Variants in SOX6 observed in about 807,000 individuals in gnomAD.
The protein encoded by SOX6 is transcription factor SOX-6.
Under a neutral mutation model 97.8 loss-of-function variants are expected in SOX6, and 11 were observed. The observed-to-expected ratio is 0.11, with a 90% CI of 0.07 to 0.19. The LOEUF (loss-of-function observed/expected upper bound fraction) is 0.19. Among genes scored for constraint, SOX6 ranks in the 10% least tolerant of loss-of-function variants. The pLI is 1.00. For missense variants in SOX6, 810 were observed against 1,039.5 expected (o/e 0.78, Z 3.04); for synonymous variants, 360 against 371.4 (o/e 0.97, Z 0.35).
intron 12 of SOX6, 102 bp downstream of exon 12, chr11:16,046,412 C>T (rs1429804128): frequency 7.6e-6 from 10 of 1,318,198 alleles, no homozygotes; most frequent in Non-Finnish European, 8.7e-6. Flanking sequence ...GCTGGAAGCC[C>T]AAATCTATGG....
At chr11:16,538,171 C>G (rs181165181) in intron 4 of SOX6, among the ~76,000 whole-genome samples, 96 of 152,216 alleles carry the variant, frequency 6.3e-4, no homozygotes, top group African/African-American at 2.0e-3. Flanking sequence ...GGCCAATATT[C>G]AACACTCTTA....
intron 1 of SOX6, among the ~76,000 whole-genome samples, chr11:16,376,562 T>C (rs1020113411): frequency 1.3e-5 from 2 of 152,154 alleles, no homozygotes; most frequent in Non-Finnish European, 2.9e-5. Context: ...TTTCAGAAGA[T>C]GGGTACCAGG....
intron 4 of SOX6, among the ~76,000 whole-genome samples, chr11:16,602,521 T>C (rs1017177710): frequency 1.3e-5 from 2 of 152,198 alleles, no homozygotes; most frequent in African/African-American, 4.8e-5. Context: ...AAAAACTACA[T>C]GTCATTTGGC....
intron 1 of SOX6, among the ~76,000 whole-genome samples, chr11:16,447,531 G>A (rs746865434): frequency 2.0e-5 from 3 of 151,994 alleles, no homozygotes; most frequent in Non-Finnish European, 4.4e-5. Flanking sequence ...GAAACAGAAA[G>A]AGAGAGAGAT....
At chr11:16,063,496 TTA>T (rs66968164) in intron 9 of SOX6, among the ~76,000 whole-genome samples, 44 of 35,646 alleles carry the variant, frequency 1.2e-3, no homozygotes, top group Admixed American at 1.8e-3. Context: ...TACCATAATT[TTA>T]TATATATATA....
chr11:16,367,041 C>T (rs1857377176), intron 1 of SOX6, among the ~76,000 whole-genome samples: 1 of 152,102 alleles, frequency 6.6e-6, no homozygotes, highest in Non-Finnish European at 1.5e-5. Flanking sequence ...GCTAGAATAA[C>T]TAGTTCATCC....
intron 2 of SOX6, among the ~76,000 whole-genome samples, chr11:16,328,006 A>G (rs1856153338): frequency 6.6e-6 from 1 of 152,164 alleles, no homozygotes; most frequent in Admixed American, 6.6e-5. Context: ...ATATGTTGTC[A>G]GTTTTGCTTT....
At chr11:15,997,953 G>A (rs1854278389) in intron 13 of SOX6, among the ~76,000 whole-genome samples, 2 of 151,908 alleles carry the variant, frequency 1.3e-5, no homozygotes, top group Admixed American at 6.6e-5. Flanking sequence ...GGTGGCGTGT[G>A]CCTGTAATCC....
chr11:16,732,746 T>C (rs1161018630), intron 2 of SOX6, among the ~76,000 whole-genome samples: 1 of 152,148 alleles, frequency 6.6e-6, no homozygotes, highest in Non-Finnish European at 1.5e-5. Flanking sequence ...TAGGATCTAA[T>C]TAAACTAAAG....
intron 1 of SOX6, among the ~76,000 whole-genome samples, chr11:16,351,600 C>G (rs924777487): frequency 1.3e-5 from 2 of 151,998 alleles, no homozygotes; most frequent in East Asian, 3.9e-4. Context: ...CAGATACAAC[C>G]AATCTTTATA....
At chr11:16,215,631 G>C (rs931631339) in intron 4 of SOX6, among the ~76,000 whole-genome samples, 2 of 152,076 alleles carry the variant, frequency 1.3e-5, no homozygotes, top group South Asian at 4.1e-4. Context: ...AGAATAATAT[G>C]AAATAATCCT....
chr11:16,118,490 C>T (rs11023849), intron 6 of SOX6, among the ~76,000 whole-genome samples: 1 of 152,222 alleles, frequency 6.6e-6, no homozygotes, highest in South Asian at 2.1e-4. Context: ...TTTCTCTGTG[C>T]TAAGTTGTTG....
Position 16,381,064 on chromosome 11 carries a change from G to T in SOX6, c.-4-39812C>A, listed in dbSNP as rs144975397. Among the ~76,000 whole-genome samples the T allele has an allele frequency of 1.0e-3, 152 of 152,010 alleles. 1 individual carries two copies. Among genetic ancestry groups the T allele is most frequent in the African/African-American group, 3.6e-3 (150 of 41,492 alleles). On this transcript the variant is annotated intron_variant, in intron 1 of 15. Coordinates refer to the SOX6 transcript ENST00000396356. Reference sequence around the variant, plus strand: ...TAGAAAAAATTGATACAAATGTAAAGAATTTCCATATGACTAAGCTAACAT... The same window carrying T: ...TAGAAAAAATTGATACAAATGTAAATAATTTCCATATGACTAAGCTAACAT...
Position 16,500,439 on chromosome 11 carries a change from T to C in SOX6, n.610-24051A>G, listed in dbSNP as rs536488105. Among the ~76,000 whole-genome samples, 11 of 152,272 alleles carry C rather than the reference T, an allele frequency of 7.2e-5. No homozygotes were observed. The East Asian group carries it at 1.9e-3, about 27-fold the overall frequency. ...CCTCTCCCACCACTCCTATTCAACG[T>C]AGTGTTGGAAGTTCTAGCCAGGGCA... On this transcript the variant is annotated intron_variant and non_coding_transcript_variant, in intron 4 of 5. Transcript: ENST00000524520.
chr11:16,652,850 T>C (rs1027354700), intron 3 of SOX6, among the ~76,000 whole-genome samples: 6 of 152,098 alleles, frequency 3.9e-5, no homozygotes, highest in Non-Finnish European at 7.4e-5. Context: ...GAGAAGATAT[T>C]CACAAACTAT....
intron 4 of SOX6, among the ~76,000 whole-genome samples, chr11:16,494,399 TA>T (rs1376670013): frequency 6.6e-6 from 1 of 151,864 alleles, no homozygotes; most frequent in African/African-American, 2.4e-5. Context: ...AAAAATAAAA[TA>T]AATAAAATGA....
chr11:16,467,033 GAAA>G (rs1299544093), intron 1 of SOX6, among the ~76,000 whole-genome samples: 1 of 150,034 alleles, frequency 6.7e-6, no homozygotes, highest in East Asian at 2.0e-4. Context: ...ACAATCATAT[GAAA>G]AAAAAGTTCA....
At chr11:16,465,522 A>G (rs904688821) in intron 1 of SOX6, among the ~76,000 whole-genome samples, 2 of 152,150 alleles carry the variant, frequency 1.3e-5, no homozygotes, top group Admixed American at 6.5e-5. Context: ...AGTGGCTGTA[A>G]TTAAAACTAA....
Position 16,341,203 on chromosome 11 carries a change from C to A in SOX6, c.46G>T (p.Gly16Ter). Residue 16 changes from glycine (G) to a stop codon, truncating the protein, a stop_gained, in exon 2 of 16, where the codon GGA becomes TGA. Transcript: ENST00000683767. LOFTEE classifies it high-confidence loss of function. ...AAATCCTGGGTCATTGCATCCTCTC[C>A]ATCAGCTGCACAGGCAAATGGAGAG... ...ATSPFACAADGEDAMTQDLTS... is the reference protein window; with the variant it reads ...ATSPFACAAD 6.2e-7 allele frequency: 1 copy of A among 1,613,426 alleles called. No homozygotes were observed. The highest frequency in any genetic ancestry group is 1.7e-5 in the Admixed American group (1 of 59,936).
Sources: allele counts gnomAD v4.1 joint callset (sites outside exome capture counted in the v4.1 genomes callset), GRCh38; gene constraint gnomAD v4.1.1; transcripts MANE v1.5; gene names NCBI Gene and HGNC (gene_info 2026-07-23, HGNC 2026-07-21).